The following MAPK4 variants were observed in gnomAD, a reference collection of about 807,000 sequenced individuals.
The protein encoded by MAPK4 is mitogen-activated protein kinase 4.
In MAPK4, 22 loss-of-function variants were observed where a neutral mutation model predicts 47.7. That is an observed-to-expected ratio of 0.46 (90% CI 0.33 to 0.66). The LOEUF (loss-of-function observed/expected upper bound fraction) is 0.66. MAPK4 is among the 30% of genes least tolerant of loss of function. MAPK4 has a pLI of 0.02. For missense variants in MAPK4, 736 were observed against 831.7 expected (o/e 0.88, Z 1.42); for synonymous variants, 390 against 365.7 (o/e 1.07, Z -0.76).
At chr18:50,728,400 T>C (rs191362300) in intron 5 of MAPK4, among the ~76,000 whole-genome samples, 6 of 152,316 alleles carry the variant, frequency 3.9e-5, no homozygotes, top group African/African-American at 1.4e-4. Flanking sequence ...GTAATCTTTC[T>C]GTAGGTCCCA....
At chr18:50,670,174 A>C (rs541780358) in intron 2 of MAPK4, 4 of 152,152 alleles carry the variant, frequency 2.6e-5, no homozygotes, top group East Asian at 1.9e-4. Context: ...AAAAAAAAAA[A>C]AACACTCATT....
chr18:50,601,962 T>C (rs1324362336), intron 1 of MAPK4, among the ~76,000 whole-genome samples: 2 of 152,316 alleles, frequency 1.3e-5, no homozygotes, highest in East Asian at 3.9e-4. Flanking sequence ...AAAGGACCCA[T>C]TATTTTGATA....
At chr18:50,638,439 A>G (rs2042907965) in intron 1 of MAPK4, among the ~76,000 whole-genome samples, 1 of 152,242 alleles carries the variant, frequency 6.6e-6, no homozygotes, top group African/African-American at 2.4e-5. Context: ...TAGCTGAGGC[A>G]TCAGCACTTT....
At chr18:50,691,634 G>A (rs1372019657) in intron 2 of MAPK4, among the ~76,000 whole-genome samples, 3 of 152,320 alleles carry the variant, frequency 2.0e-5, no homozygotes, top group East Asian at 3.9e-4. Flanking sequence ...AGTTGAGGCA[G>A]TTTTCCAGAA....
At chr18:50,670,678 A>G (rs1328796184) in intron 2 of MAPK4, among the ~76,000 whole-genome samples, 1 of 150,308 alleles carries the variant, frequency 6.7e-6, no homozygotes, top group Non-Finnish European at 1.5e-5. Context: ...AATCGCTTGA[A>G]CTTGGGAGGT....
At chr18:50,601,359 A>T (rs897880194) in intron 1 of MAPK4, among the ~76,000 whole-genome samples, 3 of 127,258 alleles carry the variant, frequency 2.4e-5, no homozygotes, top group Non-Finnish European at 3.4e-5. Flanking sequence ...AAAAAAAAAA[A>T]GTTAGGGTGC....
At chr18:50,716,400 C>T (rs1910638827) in intron 3 of MAPK4, among the ~76,000 whole-genome samples, 1 of 152,210 alleles carries the variant, frequency 6.6e-6, no homozygotes, top group African/African-American at 2.4e-5. Flanking sequence ...ATGAGCTCTA[C>T]TTCCTCTGCA....
rs371999843 is a variant in MAPK4, at chr18:50,574,413, G to A, written c.-871+14170G>A. On this transcript the variant is annotated intron_variant, in intron 1 of 5. Coordinates refer to ENST00000400384, the MANE Select transcript of MAPK4 (RefSeq NM_002747.4). ...ATTAGAATCACATGTTGTTTGAGTT[G>A]GAAGAAAATCATCGAGAGTATTTAT... 3.9e-5 allele frequency among the ~76,000 whole-genome samples: 6 copies of A among 152,246 alleles called. No homozygotes were observed. In the East Asian group the frequency reaches 9.7e-4, roughly 24 times the overall value.
chr18:50,722,408 G>C (rs1249380842), intron 4 of MAPK4, among the ~76,000 whole-genome samples: 1 of 152,178 alleles, frequency 6.6e-6, no homozygotes, highest in Non-Finnish European at 1.5e-5. Flanking sequence ...TGTCCTGGAA[G>C]GCTTGGTGTG....
At chr18:50,693,245 A>T (rs1054090286) in intron 2 of MAPK4, among the ~76,000 whole-genome samples, 3 of 152,244 alleles carry the variant, frequency 2.0e-5, no homozygotes, top group South Asian at 2.1e-4. Flanking sequence ...GGCAACAGAG[A>T]GAGACTCTAT....
At chr18:50,594,771 GTTA>G (rs1217430733) in intron 1 of MAPK4, among the ~76,000 whole-genome samples, 1 of 152,138 alleles carries the variant, frequency 6.6e-6, no homozygotes, top group African/African-American at 2.4e-5. Flanking sequence ...ATGAAGAGCT[GTTA>G]TTAAGAAAAT....
Position 50,611,854 on chromosome 18 carries a change from C to T in MAPK4, c.-870-51235C>T, listed in dbSNP as rs777675494. Among the ~76,000 whole-genome samples, 3 of 152,184 alleles carry T rather than the reference C, an allele frequency of 2.0e-5. No homozygotes were observed. In the East Asian group the frequency reaches 5.8e-4, roughly 29 times the overall value. Reference sequence around the variant, plus strand: ...ATGATCACACCATTGACATCACTTTCCCTGATCAGAATACTGACTCTTTAT... The same window carrying T: ...ATGATCACACCATTGACATCACTTTTCCTGATCAGAATACTGACTCTTTAT... On this transcript the variant is annotated intron_variant, in intron 1 of 5. Coordinates refer to ENST00000400384, the MANE Select transcript of MAPK4 (RefSeq NM_002747.4).
At chr18:50,601,642 C>G (rs1332036028) in intron 1 of MAPK4, among the ~76,000 whole-genome samples, 1 of 152,158 alleles carries the variant, frequency 6.6e-6, no homozygotes, top group Non-Finnish European at 1.5e-5. Flanking sequence ...TGCACCTCTC[C>G]AGTACTGCAA....
chr18:50,707,095 G>T (rs1026542787), intron 2 of MAPK4, among the ~76,000 whole-genome samples: 1 of 152,106 alleles, frequency 6.6e-6, no homozygotes, highest in Non-Finnish European at 1.5e-5. Flanking sequence ...AGTACATTAC[G>T]CTAAATGAAA....
At chr18:50,586,191 T>C (rs955707882) in intron 1 of MAPK4, among the ~76,000 whole-genome samples, 4 of 152,208 alleles carry the variant, frequency 2.6e-5, no homozygotes, top group African/African-American at 9.7e-5. Context: ...TTTATGACTT[T>C]CTATGTCAGA....
intron 1 of MAPK4, among the ~76,000 whole-genome samples, chr18:50,625,882 G>GCACACACACACA (rs58870306): frequency 1.4e-5 from 2 of 145,342 alleles, no homozygotes; most frequent in African/African-American, 5.2e-5. Context: ...GTGTGTGTAT[G>GCACACACACACA]CACACACACA....
chr18:50,562,388 C>G (rs2042160794), intron 1 of MAPK4, among the ~76,000 whole-genome samples: 1 of 145,256 alleles, frequency 6.9e-6, no homozygotes, highest in African/African-American at 2.6e-5. Flanking sequence ...AAGATTTTCT[C>G]AAATAAACTT....
intron 2 of MAPK4, among the ~76,000 whole-genome samples, chr18:50,667,470 C>T (rs1053888256): frequency 1.3e-5 from 2 of 152,166 alleles, no homozygotes; most frequent in African/African-American, 2.4e-5. Flanking sequence ...TGGTTGTGGT[C>T]AGATGTGTAC....
chr18:50,658,270 C>T (rs1028906500), intron 1 of MAPK4, among the ~76,000 whole-genome samples: 1 of 152,162 alleles, frequency 6.6e-6, no homozygotes, highest in African/African-American at 2.4e-5. Flanking sequence ...GTGCCTACCC[C>T]ACATTTTTCC....
Sources: gnomAD v4.1 joint callset for allele counts (sites outside exome capture counted in the v4.1 genomes callset) on GRCh38, gnomAD v4.1.1 for gene constraint, MANE v1.5 for transcripts, NCBI Gene and HGNC (gene_info 2026-07-23, HGNC 2026-07-21) for gene names.